Variants in RASSF8 observed in about 807,000 individuals in gnomAD.
RASSF8 encodes the protein ras association domain-containing protein 8.
Under a neutral mutation model 48.5 loss-of-function variants are expected in RASSF8, and 22 were observed. The ratio of observed to expected loss-of-function variants is 0.45; its 90% CI spans 0.32 to 0.65. The LOEUF (loss-of-function observed/expected upper bound fraction) is 0.65, where lower values mean the gene tolerates loss of function less well. Among genes scored for constraint, RASSF8 ranks in the 30% least tolerant of loss-of-function variants. The pLI is 0.03. For missense variants in RASSF8, 418 were observed against 489.2 expected (o/e 0.85, Z 1.37); for synonymous variants, 127 against 171.5 (o/e 0.74, Z 2.03).
At chr12:26,003,389 C>G (rs1480423794) in intron 2 of RASSF8, among the ~76,000 whole-genome samples, 2 of 152,120 alleles carry the variant, frequency 1.3e-5, no homozygotes, top group African/African-American at 2.4e-5. Flanking sequence ...CATCTGTGTT[C>G]ATCATGAATA....
intron 2 of RASSF8, among the ~76,000 whole-genome samples, chr12:26,005,262 A>C (rs189227228): frequency 2.6e-5 from 4 of 152,310 alleles, no homozygotes; most frequent in Admixed American, 2.0e-4. Context: ...TTAAAGGCAG[A>C]TAGGATAATA....
At chr12:26,062,649 T>C (rs1394045326) in intron 3 of RASSF8, among the ~76,000 whole-genome samples, 1 of 152,162 alleles carries the variant, frequency 6.6e-6, no homozygotes, top group Admixed American at 6.5e-5. Context: ...GTTTACATAG[T>C]TGGAAGTTGC....
chr12:26,002,811 G>T (rs1942293640), intron 2 of RASSF8, among the ~76,000 whole-genome samples: 1 of 152,178 alleles, frequency 6.6e-6, no homozygotes, highest in African/African-American at 2.4e-5. Context: ...TGTTGAATCG[G>T]AGTGGTGAAA....
At position 26,071,409 on chromosome 12, in the gene RASSF8, T is replaced by TA. The variant is rs112441608; in HGVS notation, c.*2591_*2592insA. The TA allele has an allele frequency of 0.045, 42,576 of 942,210 alleles. 1,167 individuals carry two copies. The highest frequency in any genetic ancestry group is 0.13 in the African/African-American group (7,198 of 56,086). 58.4% of individuals were successfully genotyped at this position (942,210 alleles called of 1,614,324 possible). A position where few individuals can be genotyped will look rare whatever the true frequency, so the allele number is the denominator to read the frequency against. ...TAGATTTCAATGTTTTGTGTTTTTTTTAAAAAAATCATATTGCAACTTGTT... is the reference window on the plus strand; with the variant it reads ...TAGATTTCAATGTTTTGTGTTTTTTTATAAAAAAATCATATTGCAACTTGTT... On this transcript the variant is annotated 3_prime_UTR_variant, in exon 6 of 6. Coordinates refer to ENST00000689635, the MANE Select transcript of RASSF8 (RefSeq NM_001394098.1).
At chr12:25,986,363 C>T (rs1941875712) in intron 1 of RASSF8, among the ~76,000 whole-genome samples, 1 of 152,224 alleles carries the variant, frequency 6.6e-6, no homozygotes, top group Admixed American at 6.5e-5. Flanking sequence ...GAGGTTATAA[C>T]TGTCCCAAGT....
At chr12:25,978,684 A>T (rs376419859) in intron 1 of RASSF8, among the ~76,000 whole-genome samples, 1 of 145,538 alleles carries the variant, frequency 6.9e-6, no homozygotes, top group Non-Finnish European at 1.5e-5. Context: ...ATGTAGGTTA[A>T]TTTTTTTTTT....
At chr12:26,055,481 A>G (rs1282198313) in intron 3 of RASSF8, 35 bp downstream of exon 3, 3 of 1,507,216 alleles carry the variant, frequency 2.0e-6, no homozygotes, top group African/African-American at 2.8e-5. Flanking sequence ...AGAAAAGTAC[A>G]TTGTGCTTTC....
chr12:26,066,558 G>A (rs1172433890), intron 4 of RASSF8, among the ~76,000 whole-genome samples: 1 of 152,066 alleles, frequency 6.6e-6, no homozygotes, highest in Non-Finnish European at 1.5e-5. Flanking sequence ...TTTTACTATT[G>A]GGATTCATTT....
chr12:26,019,065 G>T (rs912026635), intron 2 of RASSF8, among the ~76,000 whole-genome samples: 1 of 152,204 alleles, frequency 6.6e-6, no homozygotes, highest in Non-Finnish European at 1.5e-5. Context: ...GGGATGGATT[G>T]CACAAAGGTG....
chr12:26,060,058 C>A (rs1335243426), intron 3 of RASSF8, among the ~76,000 whole-genome samples: 3 of 152,152 alleles, frequency 2.0e-5, no homozygotes, highest in African/African-American at 7.2e-5. Context: ...CCACCACGCC[C>A]AGCTAATTTT....
At chr12:26,073,995 T>C (rs1944047897), downstream of RASSF8, among the ~76,000 whole-genome samples, 1 of 122,982 alleles carries the variant, frequency 8.1e-6, no homozygotes, top group Non-Finnish European at 1.7e-5. Flanking sequence ...AAAAAAAAAG[T>C]ATATATATGA....
At chr12:26,003,160 T>C (rs1379942006) in intron 2 of RASSF8, among the ~76,000 whole-genome samples, 2 of 152,214 alleles carry the variant, frequency 1.3e-5, no homozygotes, top group Non-Finnish European at 1.5e-5. Context: ...GTTTTTATCA[T>C]GAAGGGATGT....
rs1555159978 is a variant in RASSF8 at position 25,984,250 on chromosome 12, T to TA, written c.-202-10786dup. 1.6e-3 allele frequency among the ~76,000 whole-genome samples: 237 copies of TA among 145,292 alleles called. 2 individuals are homozygous for TA. Among genetic ancestry groups the TA allele is most frequent in the African/African-American group, 6.0e-3 (231 of 38,418 alleles). ...TTTTTTTTTTTTTTTTTTTTTTTTT[T>TA]AGTTCTTTTGTAGAGATGGGGTCTT... On this transcript the variant is annotated intron_variant, in intron 1 of 5. Coordinates refer to ENST00000689635, the MANE Select transcript of RASSF8 (RefSeq NM_001394098.1).
chr12:25,977,853 A>G (rs978961088), intron 1 of RASSF8, among the ~76,000 whole-genome samples: 10 of 152,226 alleles, frequency 6.6e-5, no homozygotes, highest in African/African-American at 2.2e-4. Context: ...TGGAATTCCT[A>G]GTGACAGGTG....
rs1001163046 is a variant in RASSF8 at position 26,068,781 on chromosome 12, T to C, written c.1223T>C (p.Ile408Thr). 1 of 1,537,080 alleles carries C rather than the reference T, an allele frequency of 6.5e-7. No individual in the cohort carries two copies. Among genetic ancestry groups the C allele is most frequent in the Non-Finnish European group, 8.7e-7 (1 of 1,146,876 alleles). ...PSNLRILQNPISSGFNPEGIY... is the reference protein window; with the variant it reads ...PSNLRILQNPTSSGFNPEGIY... Reference sequence around the variant, plus strand: ...AATCTCCGCATTCTGCAGAATCCTATCTCATCTGGTTTTAATCCTGAAGGC... The same window carrying C: ...AATCTCCGCATTCTGCAGAATCCTACCTCATCTGGTTTTAATCCTGAAGGC... The change falls in exon 6 of 6, where the codon ATC becomes ACC. Residue 408 changes from isoleucine (I) to threonine (T), a missense_variant. By Grantham distance (89) the Ile-to-Thr change is moderately conservative. Coordinates refer to ENST00000689635, the MANE Select transcript of RASSF8 (RefSeq NM_001394098.1).
chr12:25,973,321 G>T (rs542532980), intron 1 of RASSF8, among the ~76,000 whole-genome samples: 16 of 152,186 alleles, frequency 1.1e-4, no homozygotes, highest in African/African-American at 3.9e-4. Context: ...AGATAAATTG[G>T]CACTGTACTG....
At chr12:25,980,120 CA>C (rs1227240936) in intron 1 of RASSF8, among the ~76,000 whole-genome samples, 1 of 152,194 alleles carries the variant, frequency 6.6e-6, no homozygotes, top group Non-Finnish European at 1.5e-5. Flanking sequence ...TACCGACCTC[CA>C]TGGTTAAAAA....
chr12:26,070,670 C>CA lies in RASSF8; in HGVS notation c.*1854dup, dbSNP rs1488678568. 3 of 944,256 alleles carry CA rather than the reference C, an allele frequency of 3.2e-6. No individual in the cohort carries two copies. The highest frequency in any genetic ancestry group is 3.8e-6 in the Non-Finnish European group (3 of 793,054). 58.5% of individuals were successfully genotyped at this position (944,256 alleles called of 1,614,324 possible). ...GTGACAGTAATGATTTACATATGCC[C>CA]AATATATGCCTTATTTTTAAATAAG... is the stretch of plus-strand genomic sequence containing the variant. On this transcript the variant is annotated 3_prime_UTR_variant, in exon 6 of 6. Transcript: ENST00000689635.
chr12:25,976,732 C>T (rs1223073061), intron 1 of RASSF8, among the ~76,000 whole-genome samples: 3 of 152,112 alleles, frequency 2.0e-5, no homozygotes, highest in Admixed American at 6.5e-5. Flanking sequence ...CTTTGCTGGG[C>T]GTTTTGTCCA....
Sources: gnomAD v4.1 joint callset for allele counts (sites outside exome capture counted in the v4.1 genomes callset) on GRCh38, gnomAD v4.1.1 for gene constraint, MANE v1.5 for transcripts, NCBI Gene and HGNC (gene_info 2026-07-23, HGNC 2026-07-21) for gene names.